The following JAKMIP1 variants were observed in gnomAD, a reference collection of about 807,000 sequenced individuals.
The protein encoded by JAKMIP1 is janus kinase and microtubule interacting protein 1.
In JAKMIP1, 33 loss-of-function variants were observed where a neutral mutation model predicts 113.0. The ratio of observed to expected loss-of-function variants is 0.29; its 90% CI spans 0.22 to 0.39. The LOEUF (loss-of-function observed/expected upper bound fraction) is 0.39, where lower values mean the gene tolerates loss of function less well. Ranked by LOEUF, JAKMIP1 falls within the 10% of genes least tolerant of loss-of-function variation. JAKMIP1 has a pLI of 1.00. For synonymous variants in JAKMIP1, 480 were observed against 459.9 expected (o/e 1.04, Z -0.56); for missense variants, 813 against 1,080.5 (o/e 0.75, Z 3.47).
rs559800274 is a variant in JAKMIP1 at position 6,137,799 on chromosome 4, G to A, written c.-147-24802C>T. ...ACCTGAACACAAGTGAGAGCCAGGTGGGGATAGGACAAGGTGCCCACTGGC... is the reference window on the plus strand; with the variant it reads ...ACCTGAACACAAGTGAGAGCCAGGTAGGGATAGGACAAGGTGCCCACTGGC... On this transcript the variant is annotated intron_variant, in intron 1 of 20. Coordinates refer to ENST00000409021, the MANE Select transcript of JAKMIP1 (RefSeq NM_001099433.2). The surrounding 1 kb of genome is among the most constrained non-coding windows in gnomAD (Gnocchi z 4.5). 3.7e-4 allele frequency among the ~76,000 whole-genome samples: 57 copies of A among 152,378 alleles called. No individual in the cohort carries two copies. Among genetic ancestry groups the A allele is most frequent in the African/African-American group, 1.3e-3 (55 of 41,596 alleles).
chr4:6,143,758 T>G lies in JAKMIP1; in HGVS notation c.-147-30761A>C, dbSNP rs1002221764. 2.0e-5 allele frequency among the ~76,000 whole-genome samples: 3 copies of G among 152,170 alleles called. No homozygotes were observed. The highest frequency in any genetic ancestry group is 4.4e-5 in the Non-Finnish European group (3 of 68,024). On this transcript the variant is annotated intron_variant, in intron 1 of 20. Transcript: ENST00000409021. The surrounding 1 kb of genome is among the most constrained non-coding windows in gnomAD (Gnocchi z 4.9). Reference sequence around the variant, plus strand: ...GGGTTTTAACAAGTCCTCTGAGTGATTCTAACACACGCTGCTCTAGAACAG... The same window carrying G: ...GGGTTTTAACAAGTCCTCTGAGTGAGTCTAACACACGCTGCTCTAGAACAG...
chr4:6,131,928 C>A (rs1478685952), intron 1 of JAKMIP1, among the ~76,000 whole-genome samples: 1 of 152,084 alleles, frequency 6.6e-6, no homozygotes, highest in Non-Finnish European at 1.5e-5. Flanking sequence ...GCTATGGACA[C>A]CTGCCTTGGA....
intron 18 of JAKMIP1, among the ~76,000 whole-genome samples, chr4:6,037,537 G>T (rs910462045): frequency 1.4e-5 from 2 of 143,964 alleles, no homozygotes; most frequent in African/African-American, 2.7e-5. Flanking sequence ...CAACACCGAG[G>T]CAGAGGCTAA....
At chr4:6,055,282 T>G (rs1578105399) in intron 12 of JAKMIP1, among the ~76,000 whole-genome samples, 1 of 151,654 alleles carries the variant, frequency 6.6e-6, no homozygotes, top group South Asian at 2.1e-4. Flanking sequence ...GCAGGAGGGG[T>G]CTTTATCAGG....
At chr4:6,056,834 A>C in intron 11 of JAKMIP1, 75 bp from the exon 12 acceptor site, 1 of 1,007,684 alleles carries the variant, frequency 9.9e-7, no homozygotes, top group Admixed American at 1.7e-5. Flanking sequence ...TTAGTGAGAA[A>C]GGTCACTTTC....
chr4:6,070,649 C>G (rs780102153), intron 8 of JAKMIP1, among the ~76,000 whole-genome samples: 1 of 152,240 alleles, frequency 6.6e-6, no homozygotes, highest in Non-Finnish European at 1.5e-5. Flanking sequence ...GGCAACGCCA[C>G]GATAGATTCT....
chr4:6,079,753 C>T (rs976107250), intron 7 of JAKMIP1, among the ~76,000 whole-genome samples: 1 of 152,164 alleles, frequency 6.6e-6, no homozygotes. Context: ...TTATAAGGTT[C>T]AAGTTTGTGG....
At chr4:6,033,058 C>A (rs988823320) in intron 19 of JAKMIP1, among the ~76,000 whole-genome samples, 5 of 152,228 alleles carry the variant, frequency 3.3e-5, no homozygotes, top group Middle Eastern at 3.2e-3. Context: ...TTCACTCCAA[C>A]CTTCACTCAG....
At position 6,032,587 on chromosome 4, in the gene JAKMIP1, C is replaced by T. The variant is rs531124480; in HGVS notation, c.2380-2806G>A. On this transcript the variant is annotated intron_variant, in intron 19 of 20. Coordinates refer to ENST00000409021, the MANE Select transcript of JAKMIP1 (RefSeq NM_001099433.2). ...GCCCCTTCTGTGGGTCAGCCCCAGT[C>T]TGCCTCCCTGGGCTGGAATATTGCC... is the stretch of plus-strand genomic sequence containing the variant. Among the ~76,000 whole-genome samples the T allele has an allele frequency of 5.3e-5, 8 of 152,380 alleles. No homozygotes were observed. In the South Asian group the frequency reaches 1.7e-3, roughly 32 times the overall value.
At position 6,097,072 on chromosome 4, in the gene JAKMIP1, G is replaced by A. The variant is rs2090111; in HGVS notation, c.624+8401C>T. Among the ~76,000 whole-genome samples, 39,232 of 152,042 alleles carry A rather than the reference G, an allele frequency of 0.26. 6,056 individuals are homozygous for A. The highest frequency in any genetic ancestry group is 0.35 in the Non-Finnish European group (23,608 of 67,972). ...GCTGGAGTGCAGGGGCATGATCGTA[G>A]GTCACAGTAGCCTCAATCTGCTGGC... On this transcript the variant is annotated intron_variant, in intron 3 of 20. Transcript: ENST00000409021. This position sits in a 1 kb window ranked among gnomAD's most constrained non-coding sequence, Gnocchi z 4.3.
At position 6,181,446 on chromosome 4, in the gene JAKMIP1, G is replaced by A. The variant is rs1317100757; in HGVS notation, c.-148+18807C>T. Among the ~76,000 whole-genome samples, 1 of 152,116 alleles carries A rather than the reference G, an allele frequency of 6.6e-6. No individual in the cohort carries two copies. Among genetic ancestry groups the A allele is most frequent in the Non-Finnish European group, 1.5e-5 (1 of 68,030 alleles). ...CAGTACAGAAGGAAGTCCTTCTCAG[G>A]TGCAGACATTTGCAGAGTCCCTCAA... On this transcript the variant is annotated intron_variant, in intron 1 of 20. Coordinates refer to ENST00000409021, the MANE Select transcript of JAKMIP1 (RefSeq NM_001099433.2). The surrounding 1 kb of genome is among the most constrained non-coding windows in gnomAD (Gnocchi z 5.4).
chr4:6,149,053 G>A (rs1186113462), intron 1 of JAKMIP1, among the ~76,000 whole-genome samples: 4 of 152,124 alleles, frequency 2.6e-5, no homozygotes, highest in South Asian at 2.1e-4. Context: ...CGTGTAACCC[G>A]CAAGAACACA....
intron 1 of JAKMIP1, among the ~76,000 whole-genome samples, chr4:6,128,768 G>A (rs1718098268): frequency 6.6e-6 from 1 of 152,126 alleles, no homozygotes; most frequent in Admixed American, 6.5e-5. Flanking sequence ...TGACCTCACA[G>A]GCCTTCAGGG....
At chr4:6,068,959 T>G (rs1718560580) in intron 8 of JAKMIP1, among the ~76,000 whole-genome samples, 1 of 152,206 alleles carries the variant, frequency 6.6e-6, no homozygotes, top group African/African-American at 2.4e-5. Context: ...TAGAGAAAAG[T>G]TGTGTTGAGT....
At chr4:6,095,172 G>C (rs937910381) in intron 3 of JAKMIP1, among the ~76,000 whole-genome samples, 1 of 147,940 alleles carries the variant, frequency 6.8e-6, no homozygotes, top group African/African-American at 2.5e-5. Context: ...AGGAAGAAGG[G>C]AAGGAAAGGA....
intron 3 of JAKMIP1, among the ~76,000 whole-genome samples, chr4:6,087,058 T>C (rs1721406701): frequency 6.6e-6 from 1 of 152,224 alleles, no homozygotes; most frequent in South Asian, 2.1e-4. Flanking sequence ...AGATTATTTG[T>C]TGCGGCAGCT....
chr4:6,102,883 A>G (rs895492862), intron 3 of JAKMIP1, among the ~76,000 whole-genome samples: 2 of 151,520 alleles, frequency 1.3e-5, no homozygotes, highest in African/African-American at 4.9e-5. Flanking sequence ...ACAGGCGCCC[A>G]CCACTGCACC....
In JAKMIP1 at chr4:6,168,843, G is replaced by A. The variant is rs545662608; in HGVS notation, c.-148+31410C>T. Among the ~76,000 whole-genome samples the A allele has an allele frequency of 6.6e-6, 1 of 152,206 alleles. No homozygotes were observed. Among genetic ancestry groups the A allele is most frequent in the South Asian group, 2.1e-4 (1 of 4,818 alleles). ...TGAGCCTGGGGAGGCTGAGGTTGCAGTGAGCTGTAATCACACCACTGCACT... is the reference window on the plus strand; with the variant it reads ...TGAGCCTGGGGAGGCTGAGGTTGCAATGAGCTGTAATCACACCACTGCACT... On this transcript the variant is annotated intron_variant, in intron 1 of 20. Coordinates refer to ENST00000409021, the MANE Select transcript of JAKMIP1 (RefSeq NM_001099433.2). This position sits in a 1 kb window ranked among gnomAD's most constrained non-coding sequence, Gnocchi z 4.6.
chr4:6,173,734 C>T (rs1725013444), intron 1 of JAKMIP1, among the ~76,000 whole-genome samples: 1 of 152,196 alleles, frequency 6.6e-6, no homozygotes, highest in Non-Finnish European at 1.5e-5. Flanking sequence ...CACGACATCT[C>T]ACCCTAAATG....
Sources: gnomAD v4.1 joint callset for allele counts (sites outside exome capture counted in the v4.1 genomes callset) on GRCh38, gnomAD v4.1.1 for gene constraint, Gnocchi (gnomAD v3.1) non-coding constraint, MANE v1.5 for transcripts, NCBI Gene and HGNC (gene_info 2026-07-23, HGNC 2026-07-21) for gene names.